The following KLHL3 variants were observed in gnomAD, a reference collection of about 807,000 sequenced individuals.
KLHL3 encodes the protein kelch like family member 3, also known as kelch-like protein 3.
In KLHL3, 19 loss-of-function variants were observed where a neutral mutation model predicts 70.5. That is an observed-to-expected ratio of 0.27 (90% CI 0.19 to 0.40). KLHL3 has a LOEUF of 0.40. Ranked by LOEUF, KLHL3 falls within the 10% of genes least tolerant of loss-of-function variation. The pLI, the probability that KLHL3 is intolerant of heterozygous loss-of-function variation, is 1.00. For synonymous variants in KLHL3, 258 were observed against 290.3 expected, an observed-to-expected ratio of 0.89 and a Z score of 1.13; for missense variants, 512 against 771.1, an observed-to-expected ratio of 0.66 and a Z score of 3.98.
At chr5:137,652,316 A>AT (rs1751221164) in intron 8 of KLHL3, among the ~76,000 whole-genome samples, 1 of 152,258 alleles carries the variant, frequency 6.6e-6, no homozygotes, top group Admixed American at 6.5e-5. Flanking sequence ...ACTATTGGGT[A>AT]TATATCCAAA....
intron 1 of KLHL3, among the ~76,000 whole-genome samples, chr5:137,723,526 A>G: frequency 6.6e-6 from 1 of 152,182 alleles, no homozygotes. Flanking sequence ...GTATTTTTAA[A>G]TTATGTTTTC....
chr5:137,633,204 G>A (rs2349009), intron 12 of KLHL3, among the ~76,000 whole-genome samples: 38,952 of 148,638 alleles, frequency 0.26, 5,351 homozygotes, highest in East Asian at 0.49. Flanking sequence ...GGCGGAACCC[G>A]GGAGGCGGAG....
At chr5:137,693,261 A>C (rs1416985827) in intron 4 of KLHL3, among the ~76,000 whole-genome samples, 1 of 152,224 alleles carries the variant, frequency 6.6e-6, no homozygotes, top group Non-Finnish European at 1.5e-5. Flanking sequence ...ATACAAAGCA[A>C]AGAACATCTT....
chr5:137,619,006 T>G lies in KLHL3; in HGVS notation c.*3092A>C, dbSNP rs1390873215. ...ATGAACTACGTTTGAGAGTGAATGA[T>G]GCAAAGAACACAACATTTCATTATC... On this transcript the variant is annotated 3_prime_UTR_variant, in exon 15 of 15. Transcript: ENST00000309755. The G allele has an allele frequency of 6.6e-6, 1 of 152,144 alleles. No individual in the cohort carries two copies. Among genetic ancestry groups the G allele is most frequent in the Admixed American group, 6.6e-5 (1 of 15,256 alleles). The allele number at this position is 152,144 out of a possible 1,614,324, so 9.4% of individuals were successfully genotyped here.
At chr5:137,678,823 AAAAAGGGCTCC>A (rs1321855824) in intron 5 of KLHL3, among the ~76,000 whole-genome samples, 6 of 146,752 alleles carry the variant, frequency 4.1e-5, no homozygotes, top group Non-Finnish European at 7.6e-5. Flanking sequence ...TCCACTGGAC[AAAAAGGGCTCC>A]CCACTTGCTC....
intron 4 of KLHL3, among the ~76,000 whole-genome samples, chr5:137,695,572 G>A (rs913897175): frequency 1.4e-4 from 21 of 152,122 alleles, no homozygotes; most frequent in Middle Eastern, 3.2e-3. Context: ...GATAAATTAG[G>A]GCCCCATCCA....
chr5:137,719,723 T>C lies in KLHL3; in HGVS notation c.134+742A>G, dbSNP rs536147993. On this transcript the variant is annotated intron_variant, in intron 2 of 14. Coordinates refer to ENST00000309755, the MANE Select transcript of KLHL3 (RefSeq NM_017415.3). ...GGAGCCAGGTATTCTTCCACCGATG[T>C]GGCTGTCTTGCCAACCTAAGTTCAG... Among the ~76,000 whole-genome samples, 7 of 152,338 alleles carry C rather than the reference T, an allele frequency of 4.6e-5. No homozygotes were observed. The South Asian group carries it at 1.4e-3, about 32-fold the overall frequency.
intron 4 of KLHL3, among the ~76,000 whole-genome samples, chr5:137,693,912 GCT>G (rs934614506): frequency 2.6e-5 from 4 of 151,010 alleles, no homozygotes; most frequent in African/African-American, 9.8e-5. Flanking sequence ...TCCCAAGACA[GCT>G]CTGAGTCCTC....
intron 3 of KLHL3, among the ~76,000 whole-genome samples, chr5:137,699,719 C>G (rs898182146): frequency 2.0e-5 from 3 of 152,162 alleles, no homozygotes; most frequent in Admixed American, 6.5e-5. Flanking sequence ...CAACACATGT[C>G]TTTGTAGACT....
At chr5:137,622,741 T>G (rs371638990) in intron 14 of KLHL3, among the ~76,000 whole-genome samples, 2 of 152,260 alleles carry the variant, frequency 1.3e-5, no homozygotes, top group East Asian at 3.8e-4. Flanking sequence ...GCTATGTTAC[T>G]GTTTTAGTCC....
At chr5:137,687,248 C>G (rs868094845) in intron 5 of KLHL3, among the ~76,000 whole-genome samples, 17 of 11,690 alleles carry the variant, frequency 1.5e-3, no homozygotes, top group African/African-American at 4.3e-3. Flanking sequence ...GAGGGAGGCG[C>G]GGGGGGGGGT....
intron 12 of KLHL3, among the ~76,000 whole-genome samples, chr5:137,633,285 A>C (rs1750686162): frequency 6.6e-6 from 1 of 151,040 alleles, no homozygotes; most frequent in Non-Finnish European, 1.5e-5. Context: ...TCTCAAAAAA[A>C]AAAAAAAAAA....
chr5:137,712,088 G>A (rs1299702612), intron 2 of KLHL3, among the ~76,000 whole-genome samples: 1 of 149,058 alleles, frequency 6.7e-6, no homozygotes, highest in Non-Finnish European at 1.5e-5. Flanking sequence ...AAACCCAGGA[G>A]GCAGAGGTTG....
chr5:137,698,446 G>A (rs1752496547), intron 3 of KLHL3, 38 bp from the exon 4 acceptor site: 2 of 1,612,068 alleles, frequency 1.2e-6, no homozygotes, highest in African/African-American at 1.3e-5. Flanking sequence ...CATAAATGTG[G>A]TACCTGGGAT....
At chr5:137,678,761 A>G (rs1751949314) in intron 5 of KLHL3, among the ~76,000 whole-genome samples, 1 of 151,918 alleles carries the variant, frequency 6.6e-6, no homozygotes, top group Non-Finnish European at 1.5e-5. Context: ...AGATTCCCTA[A>G]ACGTTAACAG....
rs1267084539 is a variant in KLHL3, at chr5:137,618,792, C to T, written c.*3306G>A. 1 of 148,576 alleles carries T rather than the reference C, an allele frequency of 6.7e-6. No homozygotes were observed. The highest frequency in any genetic ancestry group is 1.5e-5 in the Non-Finnish European group (1 of 67,454). 9.2% of individuals were successfully genotyped at this position (148,576 alleles called of 1,614,324 possible). On this transcript the variant is annotated 3_prime_UTR_variant, in exon 15 of 15. Coordinates refer to ENST00000309755, the MANE Select transcript of KLHL3 (RefSeq NM_017415.3). ...AAAAAAAAGACACAATCAATACAGACGGGCAAGTGCTGAGTCGAACATAAC... is the reference window on the plus strand; with the variant it reads ...AAAAAAAAGACACAATCAATACAGATGGGCAAGTGCTGAGTCGAACATAAC...
intron 2 of KLHL3, among the ~76,000 whole-genome samples, chr5:137,714,437 CA>C (rs1170692268): frequency 6.6e-6 from 1 of 152,154 alleles, no homozygotes; most frequent in Non-Finnish European, 1.5e-5. Flanking sequence ...TATATCTATA[CA>C]ATGAAATATT....
At chr5:137,659,336 A>G (rs916000642) in intron 7 of KLHL3, among the ~76,000 whole-genome samples, 2 of 152,172 alleles carry the variant, frequency 1.3e-5, no homozygotes, top group African/African-American at 4.8e-5. Context: ...GGCATGACTG[A>G]GCCTCTCCTG....
intron 5 of KLHL3, among the ~76,000 whole-genome samples, chr5:137,688,466 G>T (rs1447594458): frequency 6.6e-6 from 1 of 152,236 alleles, no homozygotes; most frequent in Non-Finnish European, 1.5e-5. Flanking sequence ...GACATACCCT[G>T]TGTCTAGCGG....
Sources: allele counts gnomAD v4.1 joint callset (sites outside exome capture counted in the v4.1 genomes callset), GRCh38; gene constraint gnomAD v4.1.1; transcripts MANE v1.5; gene names NCBI Gene and HGNC (gene_info 2026-07-23, HGNC 2026-07-21).